The following MMP16 variants were observed in gnomAD, a reference collection of about 807,000 sequenced individuals.
MMP16 encodes matrix metalloproteinase-16.
MMP16 carries 12 observed loss-of-function variants against 67.8 expected under a neutral mutation model. The ratio of observed to expected loss-of-function variants is 0.18; its 90% CI spans 0.11 to 0.29. MMP16 has a LOEUF of 0.29. Among genes scored for constraint, MMP16 ranks in the 10% least tolerant of loss-of-function variants. MMP16 has a pLI of 1.00. For synonymous variants in MMP16, 249 were observed against 255.9 expected, an observed-to-expected ratio of 0.97 and a Z score of 0.26; for missense variants, 475 against 765.7, an observed-to-expected ratio of 0.62 and a Z score of 4.48.
chr8:88,088,138 T>C (rs984358395), intron 6 of MMP16, among the ~76,000 whole-genome samples: 1 of 117,534 alleles, frequency 8.5e-6, no homozygotes, highest in African/African-American at 3.3e-5. Context: ...ACTGCGATCA[T>C]GTACTAGACC....
intron 4 of MMP16, among the ~76,000 whole-genome samples, chr8:88,125,638 A>C (rs1807918911): frequency 6.6e-6 from 1 of 151,970 alleles, no homozygotes; most frequent in Non-Finnish European, 1.5e-5. Flanking sequence ...TGAATATGAT[A>C]TCTGCATTTA....
At chr8:88,064,245 A>G (rs1808435979) in intron 7 of MMP16, among the ~76,000 whole-genome samples, 1 of 152,150 alleles carries the variant, frequency 6.6e-6, no homozygotes, top group Non-Finnish European at 1.5e-5. Flanking sequence ...CAAATTCCTT[A>G]ACGGTTTGAT....
At chr8:88,130,094 T>TTC (rs1808001968) in intron 4 of MMP16, among the ~76,000 whole-genome samples, 1 of 151,816 alleles carries the variant, frequency 6.6e-6, no homozygotes, top group Admixed American at 6.6e-5. Flanking sequence ...CATATTTGTT[T>TTC]TCTAAGAATC....
At chr8:88,196,197 T>C (rs776504361) in intron 2 of MMP16, among the ~76,000 whole-genome samples, 7 of 152,192 alleles carry the variant, frequency 4.6e-5, no homozygotes, top group Admixed American at 6.5e-5. Flanking sequence ...CATGCTTGTC[T>C]TTCCTATTGT....
chr8:88,206,685 A>G (rs1369081096), intron 1 of MMP16, among the ~76,000 whole-genome samples: 3 of 152,228 alleles, frequency 2.0e-5, no homozygotes, highest in East Asian at 1.9e-4. Context: ...TCAGTGTTTA[A>G]TATCAGAAGT....
At chr8:88,077,709 C>T (rs1173848577) in intron 6 of MMP16, among the ~76,000 whole-genome samples, 1 of 152,054 alleles carries the variant, frequency 6.6e-6, no homozygotes, top group Non-Finnish European at 1.5e-5. Context: ...AGTAATGATC[C>T]TTTAGAAGAC....
At chr8:88,148,984 G>C (rs548501870) in intron 4 of MMP16, among the ~76,000 whole-genome samples, 74 of 152,340 alleles carry the variant, frequency 4.9e-4, no homozygotes, top group South Asian at 2.7e-3. Context: ...CAGACAGTGG[G>C]CGCAGGCCAG....
intron 1 of MMP16, among the ~76,000 whole-genome samples, chr8:88,248,556 T>C (rs919913940): frequency 6.6e-6 from 1 of 152,114 alleles, no homozygotes; most frequent in African/African-American, 2.4e-5. Context: ...GCTCCCCTCC[T>C]TCTTCTTTAC....
At chr8:88,265,702 G>A (rs1269388093) in intron 1 of MMP16, among the ~76,000 whole-genome samples, 2 of 152,138 alleles carry the variant, frequency 1.3e-5, no homozygotes, top group Admixed American at 6.6e-5. Context: ...TGTTTTTTAA[G>A]AATATCATAT....
At chr8:88,177,024 T>C (rs1211004000) in intron 3 of MMP16, among the ~76,000 whole-genome samples, 1 of 152,194 alleles carries the variant, frequency 6.6e-6, no homozygotes, top group Non-Finnish European at 1.5e-5. Flanking sequence ...GCAAAATATA[T>C]CTCTTCATTT....
chr8:88,082,298 G>T (rs1808764276), intron 6 of MMP16, among the ~76,000 whole-genome samples: 2 of 152,048 alleles, frequency 1.3e-5, no homozygotes, highest in South Asian at 4.1e-4. Context: ...GTAGGAATGG[G>T]CATCCGTATT....
chr8:88,038,108 T>C lies in MMP16; in HGVS notation c.*3353A>G, dbSNP rs1394576632. The C allele has an allele frequency of 6.6e-6, 1 of 151,998 alleles. No individual in the cohort carries two copies. Among genetic ancestry groups the C allele is most frequent in the Non-Finnish European group, 1.5e-5 (1 of 67,918 alleles). 9.4% of individuals were successfully genotyped at this position (151,998 alleles called of 1,614,324 possible). The stretch of plus-strand genomic sequence containing the variant: ...TTTCCCTTTCACTGTTCCATTTGGT[T>C]TGAGACTTTTTTCCCAAACCTCATG... On this transcript the variant is annotated 3_prime_UTR_variant, in exon 10 of 10. Coordinates refer to ENST00000286614, the MANE Select transcript of MMP16 (RefSeq NM_005941.5). This position sits in a 1 kb window ranked among gnomAD's most constrained non-coding sequence, Gnocchi z 4.1.
intron 1 of MMP16, among the ~76,000 whole-genome samples, chr8:88,201,706 T>C (rs949410465): frequency 5.3e-5 from 8 of 152,164 alleles, no homozygotes; most frequent in Non-Finnish European, 1.2e-4. Context: ...CTCAATGTTA[T>C]AAAACATTAA....
chr8:88,157,135 A>G (rs886065742), intron 4 of MMP16, among the ~76,000 whole-genome samples: 1 of 152,096 alleles, frequency 6.6e-6, no homozygotes, highest in Non-Finnish European at 1.5e-5. Flanking sequence ...CTCCCTATCC[A>G]TGGCTTTTGC....
chr8:88,176,637 A>T (rs1202815619), intron 3 of MMP16, among the ~76,000 whole-genome samples: 1 of 152,216 alleles, frequency 6.6e-6, no homozygotes, highest in Non-Finnish European at 1.5e-5. Flanking sequence ...CATACACATA[A>T]TCAATTATCA....
chr8:88,234,681 G>T (rs2129881725), intron 1 of MMP16, among the ~76,000 whole-genome samples: 2 of 152,308 alleles, frequency 1.3e-5, no homozygotes, highest in Admixed American at 1.3e-4. Flanking sequence ...TGCAATTAGA[G>T]CTGGGGCTCT....
intron 3 of MMP16, among the ~76,000 whole-genome samples, chr8:88,183,911 A>G (rs540638801): frequency 1.3e-5 from 2 of 149,274 alleles, no homozygotes; most frequent in Admixed American, 1.3e-4. Flanking sequence ...GTATTTATTT[A>G]TTTTTTTTTA....
intron 7 of MMP16, among the ~76,000 whole-genome samples, chr8:88,073,155 G>A (rs548049896): frequency 6.6e-6 from 1 of 152,314 alleles, no homozygotes; most frequent in East Asian, 1.9e-4. Context: ...CTACTCATGG[G>A]ACGCAGGAAG....
chr8:88,291,487 T>C (rs931425901), intron 1 of MMP16, among the ~76,000 whole-genome samples: 12 of 152,154 alleles, frequency 7.9e-5, no homozygotes, highest in Non-Finnish European at 1.3e-4. Context: ...TCCTATTCCT[T>C]GGACAGATAT....
Sources: allele counts gnomAD v4.1 joint callset (sites outside exome capture counted in the v4.1 genomes callset), GRCh38; gene constraint gnomAD v4.1.1; non-coding constraint Gnocchi (gnomAD v3.1); transcripts MANE v1.5; gene names NCBI Gene and HGNC (gene_info 2026-07-23, HGNC 2026-07-21).